The following NAALADL2 variants were observed in gnomAD, a reference collection of about 807,000 sequenced individuals.
NAALADL2 encodes inactive N-acetylated-alpha-linked acidic dipeptidase-like protein 2.
A neutral mutation model predicts 87.2 loss-of-function variants in NAALADL2; 76 were observed. That is an observed-to-expected ratio of 0.87 (90% confidence interval 0.72 to 1.05). The LOEUF is 1.05. NAALADL2 is among the 50% of genes least tolerant of loss of function. The probability of loss-of-function intolerance (pLI) is 0.00; values close to 1 mark genes in which losing one functional copy is unlikely to be tolerated. For synonymous variants in NAALADL2, 354 were observed against 331.0 expected, an observed-to-expected ratio of 1.07 and a Z score of -0.75; for missense variants, 1,089 against 945.8, an observed-to-expected ratio of 1.15 and a Z score of -1.99.
chr3:175,769,335 T>C (rs1340531215), intron 13 of NAALADL2, among the ~76,000 whole-genome samples: 1 of 152,198 alleles, frequency 6.6e-6, no homozygotes, highest in African/African-American at 2.4e-5. Flanking sequence ...CAAATAAATA[T>C]GTAATCACAA....
chr3:174,849,502 C>T (rs971410001), intron 3 of NAALADL2, among the ~76,000 whole-genome samples: 3 of 151,850 alleles, frequency 2.0e-5, no homozygotes, highest in African/African-American at 4.8e-5. Flanking sequence ...TTTGGGGGGC[C>T]GAGGCGGGCA....
chr3:175,114,817 T>G (rs1478479224), intron 2 of NAALADL2, among the ~76,000 whole-genome samples: 1 of 151,614 alleles, frequency 6.6e-6, no homozygotes, highest in African/African-American at 2.4e-5. Context: ...ATGGGAGGCT[T>G]AGACTCATTA....
intron 5 of NAALADL2, among the ~76,000 whole-genome samples, chr3:175,343,343 A>T (rs1373671531): frequency 6.6e-6 from 1 of 152,084 alleles, no homozygotes; most frequent in East Asian, 1.9e-4. Context: ...GATGATTTAG[A>T]ACACTTTTCC....
At chr3:175,590,744 A>T (rs1428477175) in intron 10 of NAALADL2, among the ~76,000 whole-genome samples, 1 of 152,136 alleles carries the variant, frequency 6.6e-6, no homozygotes, top group Non-Finnish European at 1.5e-5. Context: ...TGTATATAGA[A>T]CCCCTTCAAC....
At chr3:174,556,714 A>G (rs1712874800) in intron 2 of NAALADL2, among the ~76,000 whole-genome samples, 2 of 152,130 alleles carry the variant, frequency 1.3e-5, no homozygotes, top group Admixed American at 1.3e-4. Flanking sequence ...AGAGTCAGAC[A>G]TTGGATAATT....
At chr3:174,839,758 C>T (rs909550211) in intron 3 of NAALADL2, among the ~76,000 whole-genome samples, 3 of 151,968 alleles carry the variant, frequency 2.0e-5, no homozygotes, top group African/African-American at 7.2e-5. Flanking sequence ...TCTACATACA[C>T]TAATTATCAA....
chr3:175,603,358 G>C (rs1713358993), intron 10 of NAALADL2, among the ~76,000 whole-genome samples: 1 of 152,044 alleles, frequency 6.6e-6, no homozygotes, highest in South Asian at 2.1e-4. Context: ...TAAATGTACA[G>C]TTGAGTTATA....
chr3:174,943,181 A>G (rs575871667), intron 1 of NAALADL2, among the ~76,000 whole-genome samples: 1 of 152,268 alleles, frequency 6.6e-6, no homozygotes, highest in Admixed American at 6.5e-5. Flanking sequence ...CCTTAATTGC[A>G]TTGTAGATGG....
chr3:174,914,737 T>C (rs1011224263), intron 1 of NAALADL2, among the ~76,000 whole-genome samples: 12 of 152,160 alleles, frequency 7.9e-5, no homozygotes, highest in African/African-American at 2.9e-4. Flanking sequence ...GTAATGCAAT[T>C]TTATTAAAGA....
chr3:175,180,235 TA>T (rs574106425), intron 2 of NAALADL2, among the ~76,000 whole-genome samples: 1 of 151,974 alleles, frequency 6.6e-6, no homozygotes, highest in Non-Finnish European at 1.5e-5. Context: ...TTTATTTAAA[TA>T]AAAAAGTCAG....
At chr3:174,788,537 CTGTT>C (rs1277547100) in intron 3 of NAALADL2, among the ~76,000 whole-genome samples, 1 of 152,146 alleles carries the variant, frequency 6.6e-6, no homozygotes, top group Non-Finnish European at 1.5e-5. Context: ...GGTCTTCCCT[CTGTT>C]TGTGTCCTAA....
At chr3:175,662,286 T>G (rs1732370049) in intron 11 of NAALADL2, among the ~76,000 whole-genome samples, 1 of 151,946 alleles carries the variant, frequency 6.6e-6, no homozygotes. Flanking sequence ...TGATATCTTT[T>G]TCAGATTGAT....
intron 5 of NAALADL2, among the ~76,000 whole-genome samples, chr3:175,333,353 A>T (rs1389096857): frequency 6.6e-6 from 1 of 152,172 alleles, no homozygotes; most frequent in Non-Finnish European, 1.5e-5. Context: ...TTCTTTTAGT[A>T]ATAGTAGCTG....
At chr3:175,567,486 C>G (rs1025819208) in intron 9 of NAALADL2, among the ~76,000 whole-genome samples, 15 of 151,086 alleles carry the variant, frequency 9.9e-5, no homozygotes, top group African/African-American at 3.4e-4. Context: ...TTTTCTATAC[C>G]CGATAACAAG....
Position 175,061,968 on chromosome 3 carries a change from C to G in NAALADL2, c.44-34822C>G, listed in dbSNP as rs1241791079. Among the ~76,000 whole-genome samples the G allele has an allele frequency of 3.8e-4, 58 of 151,994 alleles. 1 individual carries two copies. The highest frequency in any genetic ancestry group is 3.8e-3 in the Admixed American group (58 of 15,238). On this transcript the variant is annotated intron_variant, in intron 1 of 13. Coordinates refer to ENST00000454872, the MANE Select transcript of NAALADL2 (RefSeq NM_207015.3). Reference sequence around the variant, plus strand: ...CTCATACATTATGGTAGCAGAAAAGCTGGATCACAGGTGCAAGGGAAGCCC... The same window carrying G: ...CTCATACATTATGGTAGCAGAAAAGGTGGATCACAGGTGCAAGGGAAGCCC...
At chr3:175,765,699 T>C (rs1748596478) in intron 13 of NAALADL2, among the ~76,000 whole-genome samples, 1 of 152,110 alleles carries the variant, frequency 6.6e-6, no homozygotes, top group South Asian at 2.1e-4. Context: ...ATTGCCAGTC[T>C]GAGGGTGAGT....
At chr3:175,782,745 A>C (rs1332995432) in intron 13 of NAALADL2, among the ~76,000 whole-genome samples, 1 of 141,254 alleles carries the variant, frequency 7.1e-6, no homozygotes. Context: ...TTTTGTTGCC[A>C]TTGCTTTTGG....
chr3:174,450,182 C>G (rs1208299071), intron 1 of NAALADL2, among the ~76,000 whole-genome samples: 2 of 152,108 alleles, frequency 1.3e-5, no homozygotes, highest in Admixed American at 6.5e-5. Context: ...TACCAAAACA[C>G]CAAGCGTTTG....
intron 1 of NAALADL2, among the ~76,000 whole-genome samples, chr3:174,870,078 TGTGTGTGTGTATGA>T (rs1297253236): frequency 6.9e-6 from 1 of 144,132 alleles, no homozygotes; most frequent in Non-Finnish European, 1.5e-5. Context: ...AGTTTGTGGG[TGTGTGTGTGTATGA>T]GTGTGTGTGT....
Sources: gnomAD v4.1 joint callset for allele counts (sites outside exome capture counted in the v4.1 genomes callset) on GRCh38, gnomAD v4.1.1 for gene constraint, MANE v1.5 for transcripts, NCBI Gene and HGNC (gene_info 2026-07-23, HGNC 2026-07-21) for gene names.